Variants in CTIF observed in about 807,000 individuals in gnomAD.
CTIF encodes CBP80/20-dependent translation initiation factor.
CTIF carries 21 observed loss-of-function variants against 66.0 expected under a neutral mutation model. The ratio of observed to expected loss-of-function variants is 0.32; its 90% CI spans 0.23 to 0.46. The LOEUF (loss-of-function observed/expected upper bound fraction) is 0.46. Among genes scored for constraint, CTIF ranks in the 20% least tolerant of loss-of-function variants. The probability of loss-of-function intolerance (pLI) is 1.00; values close to 1 mark genes in which losing one functional copy is unlikely to be tolerated. For missense variants in CTIF, 739 were observed against 812.7 expected (o/e 0.91, Z 1.10); for synonymous variants, 345 against 326.4 (o/e 1.06, Z -0.62).
In CTIF at chr18:48,664,555, A is replaced by T. The variant is rs751252428; in HGVS notation, c.431+4A>T. ...TGCCACACATCGACCGCGAAGGGTA[A>T]GGGGTGCTGGGGCTCTTACCCAGGG... On this transcript the variant is annotated splice_donor_region_variant and intron_variant, in intron 5 of 11. Transcript: ENST00000256413. 8 of 1,608,806 alleles carry T rather than the reference A, an allele frequency of 5.0e-6. No homozygotes were observed. In the African/African-American group the frequency reaches 9.3e-5, roughly 19 times the overall value.
chr18:48,647,716 G>T (rs1432586286), intron 3 of CTIF, among the ~76,000 whole-genome samples: 1 of 152,214 alleles, frequency 6.6e-6, no homozygotes, highest in African/African-American at 2.4e-5. Flanking sequence ...GGATAGAACT[G>T]TTTTTAGGGG....
chr18:48,543,916 T>C (rs1169294454), intron 1 of CTIF, among the ~76,000 whole-genome samples: 1 of 152,226 alleles, frequency 6.6e-6, no homozygotes, highest in Non-Finnish European at 1.5e-5. Context: ...CTTCCTGCCT[T>C]ATCTTCATCT....
In CTIF at chr18:48,767,364, C is replaced by T. The variant is rs542547543; in HGVS notation, c.1371+5675C>T. Among the ~76,000 whole-genome samples, 8 of 152,246 alleles carry T rather than the reference C, an allele frequency of 5.3e-5. No homozygotes were observed. In the East Asian group the frequency reaches 1.5e-3, roughly 29 times the overall value. On this transcript the variant is annotated intron_variant, in intron 9 of 11. Coordinates refer to ENST00000256413, the MANE Select transcript of CTIF (RefSeq NM_014772.3). ...CTGAGCCCTCTCCACCCAGCACTGC[C>T]CTGTCACTGCCCCGGGACGTCCACG...
intron 6 of CTIF, among the ~76,000 whole-genome samples, chr18:48,702,059 T>C (rs1433431755): frequency 6.6e-6 from 1 of 152,232 alleles, no homozygotes; most frequent in Non-Finnish European, 1.5e-5. Flanking sequence ...CATCCTCATT[T>C]TACACAAGAG....
intron 1 of CTIF, among the ~76,000 whole-genome samples, chr18:48,545,311 A>G (rs2145484659): frequency 6.6e-6 from 1 of 152,270 alleles, no homozygotes; most frequent in South Asian, 2.1e-4. Flanking sequence ...CTTTAATCAG[A>G]GAGGTGTACA....
At chr18:48,624,088 G>A (rs1243886848) in intron 2 of CTIF, among the ~76,000 whole-genome samples, 14 of 79,418 alleles carry the variant, frequency 1.8e-4, no homozygotes, top group African/African-American at 6.2e-4. Flanking sequence ...TTGACACCAC[G>A]CCCCTCCCCA....
chr18:48,810,771 A>G (rs973450338), intron 9 of CTIF, among the ~76,000 whole-genome samples: 2 of 151,356 alleles, frequency 1.3e-5, no homozygotes, highest in African/African-American at 2.4e-5. Context: ...TCTATACTAT[A>G]AAGTCTATAA....
intron 7 of CTIF, among the ~76,000 whole-genome samples, chr18:48,747,415 G>A (rs774835222): frequency 1.2e-4 from 18 of 152,172 alleles, no homozygotes; most frequent in Non-Finnish European, 1.9e-4. Flanking sequence ...AGAGAGGTAC[G>A]CTGGGCAGGG....
intron 2 of CTIF, 93 bp from the exon 3 acceptor site, chr18:48,636,521 T>A: frequency 1.1e-6 from 1 of 873,702 alleles, no homozygotes; most frequent in Non-Finnish European, 1.6e-6. Flanking sequence ...GTCATGCTAA[T>A]GGGGAAGGCC....
intron 3 of CTIF, chr18:48,661,895 T>C (rs1358111270): frequency 6.6e-6 from 1 of 152,186 alleles, no homozygotes; most frequent in East Asian, 1.9e-4. Context: ...AGAAAACGCA[T>C]GTTTAAAGAA....
intron 10 of CTIF, among the ~76,000 whole-genome samples, chr18:48,818,316 T>A (rs1485438730): frequency 6.6e-6 from 1 of 152,150 alleles, no homozygotes; most frequent in East Asian, 1.9e-4. Flanking sequence ...TAGTTGAATT[T>A]CTGAGTTAGA....
intron 6 of CTIF, among the ~76,000 whole-genome samples, chr18:48,708,161 A>T (rs374848545): frequency 6.6e-6 from 1 of 152,192 alleles, no homozygotes; most frequent in Non-Finnish European, 1.5e-5. Flanking sequence ...GCTCTTATGA[A>T]CAATGCTGCC....
At chr18:48,680,736 G>A (rs570559811) in intron 6 of CTIF, among the ~76,000 whole-genome samples, 1 of 152,250 alleles carries the variant, frequency 6.6e-6, no homozygotes, top group Non-Finnish European at 1.5e-5. Context: ...ATTGCTTGCC[G>A]GTCCAGCATC....
intron 9 of CTIF, among the ~76,000 whole-genome samples, chr18:48,795,237 C>T (rs2067888939): frequency 6.6e-6 from 1 of 152,154 alleles, no homozygotes; most frequent in South Asian, 2.1e-4. Flanking sequence ...TGGAGGCTGT[C>T]ATTTCAAGAG....
intron 1 of CTIF, among the ~76,000 whole-genome samples, chr18:48,581,269 C>T (rs1007357921): frequency 1.1e-4 from 16 of 151,914 alleles, no homozygotes; most frequent in Admixed American, 5.9e-4. Flanking sequence ...AGACGTACCA[C>T]GTCCCAGCAT....
chr18:48,604,168 G>GGTT (rs2090159914), intron 1 of CTIF, among the ~76,000 whole-genome samples: 6 of 63,278 alleles, frequency 9.5e-5, no homozygotes, highest in South Asian at 8.8e-4. Context: ...TTTTTTAAGG[G>GGTT]TTTTTTTTTT....
chr18:48,691,226 A>T (rs2091920982), intron 6 of CTIF, among the ~76,000 whole-genome samples: 1 of 152,172 alleles, frequency 6.6e-6, no homozygotes, highest in African/African-American at 2.4e-5. Flanking sequence ...TTTCCAACTC[A>T]ACTGGGAATC....
chr18:48,664,906 T>TTCC (rs2091411113), intron 5 of CTIF, among the ~76,000 whole-genome samples: 1 of 37,548 alleles, frequency 2.7e-5, no homozygotes, highest in Non-Finnish European at 7.6e-5. Context: ...TGTGTGTTTC[T>TTCC]TTCTTTTTTT....
At chr18:48,578,803 T>C (rs1316859822) in intron 1 of CTIF, among the ~76,000 whole-genome samples, 1 of 152,266 alleles carries the variant, frequency 6.6e-6, no homozygotes, top group African/African-American at 2.4e-5. Flanking sequence ...TCTTTTTACT[T>C]GATGATTTGC....
Sources: gnomAD v4.1 joint callset for allele counts (sites outside exome capture counted in the v4.1 genomes callset) on GRCh38, gnomAD v4.1.1 for gene constraint, MANE v1.5 for transcripts, NCBI Gene and HGNC (gene_info 2026-07-23, HGNC 2026-07-21) for gene names.